The following CDK8 variants were observed in gnomAD, a reference collection of about 807,000 sequenced individuals.
CDK8 encodes cyclin dependent kinase 8, also known as cyclin-dependent kinase 8.
Under a neutral mutation model 71.5 loss-of-function variants are expected in CDK8, and 29 were observed. The ratio of observed to expected loss-of-function variants is 0.41; its 90% CI spans 0.30 to 0.55. The LOEUF is 0.55. Among genes scored for constraint, CDK8 ranks in the 20% least tolerant of loss-of-function variants. CDK8 has a pLI of 0.37. For synonymous variants in CDK8, 161 were observed against 192.1 expected (o/e 0.84, Z 1.34); for missense variants, 288 against 572.6 (o/e 0.50, Z 5.07).
chr13:26,273,240 A>G (rs1235171771), intron 1 of CDK8, among the ~76,000 whole-genome samples: 1 of 152,138 alleles, frequency 6.6e-6, no homozygotes, highest in Non-Finnish European at 1.5e-5. Context: ...TGGTCTCTCA[A>G]TATGTCTGTC....
chr13:26,369,494 C>A lies in CDK8; in HGVS notation c.457-13320C>A, dbSNP rs141541104. Among the ~76,000 whole-genome samples, 437 of 133,750 alleles carry A rather than the reference C, an allele frequency of 3.3e-3. 3 individuals are homozygous for A. The highest frequency in any genetic ancestry group is 0.011 in the African/African-American group (407 of 36,574). 87.7% of individuals were successfully genotyped at this position (133,750 alleles called of 152,430 possible). A position where few individuals can be genotyped will look rare whatever the true frequency, so the allele number is the denominator to read the frequency against. On this transcript the variant is annotated intron_variant, in intron 4 of 12. Transcript: ENST00000381527. ...AAAGTAAAAGTCCATCTGTAAAACTCTTATTGTGGTGCACTGAACTGAGGT... is the reference window on the plus strand; with the variant it reads ...AAAGTAAAAGTCCATCTGTAAAACTATTATTGTGGTGCACTGAACTGAGGT...
In CDK8 at chr13:26,312,451, G is replaced by A. The variant is rs900017831; in HGVS notation, c.129-25116G>A. On this transcript the variant is annotated intron_variant, in intron 1 of 12. Coordinates refer to ENST00000381527, the MANE Select transcript of CDK8 (RefSeq NM_001260.3). ...GCGGCTTCATTCCTGAAGTCAGCGA[G>A]ACCATGAACCCACCAGGAGGAACAA... Among the ~76,000 whole-genome samples, 29 of 152,114 alleles carry A rather than the reference G, an allele frequency of 1.9e-4. 1 individual carries two copies. Among genetic ancestry groups the A allele is most frequent in the Admixed American group, 1.8e-3 (28 of 15,280 alleles).
chr13:26,289,340 A>C (rs549350974), intron 1 of CDK8, among the ~76,000 whole-genome samples: 5 of 152,264 alleles, frequency 3.3e-5, no homozygotes, highest in Admixed American at 3.3e-4. Context: ...GGCATGAGCC[A>C]CTGCGCCCGG....
intron 1 of CDK8, among the ~76,000 whole-genome samples, chr13:26,314,639 A>G (rs1874428395): frequency 6.6e-6 from 1 of 152,222 alleles, no homozygotes; most frequent in African/African-American, 2.4e-5. Flanking sequence ...AAAGTTATCC[A>G]TGGAGTCACC....
chr13:26,263,444 A>G lies in CDK8; in HGVS notation c.128+8675A>G, dbSNP rs548517487. ...CCACCGCGCCCGGCCGGGAGTAGGT[A>G]TTACCTTTTTTTTTGAGCCAGAGTT... On this transcript the variant is annotated intron_variant, in intron 1 of 12. Coordinates refer to ENST00000381527, the MANE Select transcript of CDK8 (RefSeq NM_001260.3). Among the ~76,000 whole-genome samples, 18 of 120,360 alleles carry G rather than the reference A, an allele frequency of 1.5e-4. No homozygotes were observed. The South Asian group carries it at 5.1e-3, about 34-fold the overall frequency. The allele number at this position is 120,360 out of a possible 152,430, so 79.0% of individuals were successfully genotyped here. A position where few individuals can be genotyped will look rare whatever the true frequency, so the allele number is the denominator to read the frequency against.
At chr13:26,347,302 T>C (rs552922528) in intron 2 of CDK8, among the ~76,000 whole-genome samples, 10 of 152,238 alleles carry the variant, frequency 6.6e-5, no homozygotes, top group Non-Finnish European at 1.2e-4. Context: ...TAATCAACTT[T>C]ACTATGTAAT....
chr13:26,315,403 G>A (rs1390128050), intron 1 of CDK8, among the ~76,000 whole-genome samples: 2 of 152,196 alleles, frequency 1.3e-5, no homozygotes, highest in Non-Finnish European at 2.9e-5. Flanking sequence ...GCACTGACAA[G>A]AGCAGGGAGG....
chr13:26,341,246 C>T (rs1362382493), intron 2 of CDK8, among the ~76,000 whole-genome samples: 1 of 152,196 alleles, frequency 6.6e-6, no homozygotes, highest in African/African-American at 2.4e-5. Flanking sequence ...CCTGCCTCAG[C>T]CTCCTGAGTA....
chr13:26,345,555 G>T (rs977478153), intron 2 of CDK8, among the ~76,000 whole-genome samples: 1 of 151,948 alleles, frequency 6.6e-6, no homozygotes, highest in Non-Finnish European at 1.5e-5. Context: ...CAAATTTTTT[G>T]TATTTTTAGT....
In CDK8 at chr13:26,254,540, A is replaced by T; in HGVS notation, c.-102A>T. On this transcript the variant is annotated 5_prime_UTR_variant, in exon 1 of 13. Transcript: ENST00000381527. The surrounding 1 kb of genome is among the most constrained non-coding windows in gnomAD (Gnocchi z 6.7). ...CTGGTGCTGCGGCCGGCGGGCGTAG[A>T]GCGGGCGGGTTCCCGGGGGCTGCGG... The T allele has an allele frequency of 3.0e-6, 3 of 984,150 alleles. No individual in the cohort carries two copies. Among genetic ancestry groups the T allele is most frequent in the Non-Finnish European group, 1.5e-6 (1 of 676,300 alleles). 61.0% of individuals were successfully genotyped at this position (984,150 alleles called of 1,614,324 possible). A position where few individuals can be genotyped will look rare whatever the true frequency, so the allele number is the denominator to read the frequency against.
At chr13:26,393,897 C>G (rs2138064036) in intron 7 of CDK8, among the ~76,000 whole-genome samples, 1 of 152,250 alleles carries the variant, frequency 6.6e-6, no homozygotes, top group Admixed American at 6.5e-5. Flanking sequence ...AATACTGCCA[C>G]TATTTGGCAT....
chr13:26,363,780 G>GATA (rs1410657579), intron 4 of CDK8, among the ~76,000 whole-genome samples: 1 of 152,076 alleles, frequency 6.6e-6, no homozygotes, highest in Non-Finnish European at 1.5e-5. Context: ...CTTGGTGAAG[G>GATA]ATATGTTGGT....
Position 26,405,048 on chromosome 13 carries a change from G to C in CDK8, c.*967G>C. On this transcript the variant is annotated 3_prime_UTR_variant, in exon 13 of 13. Coordinates refer to ENST00000381527, the MANE Select transcript of CDK8 (RefSeq NM_001260.3). ...GAAAACTTGTTCGCACGTTGTTTAG[G>C]GTGCCCTTACTTCAGCAAAGGAGAA... 1 of 184,762 alleles carries C rather than the reference G, an allele frequency of 5.4e-6. No homozygotes were observed. Among genetic ancestry groups the C allele is most frequent in the Non-Finnish European group, 1.1e-5 (1 of 87,198 alleles). 11.4% of individuals were successfully genotyped at this position (184,762 alleles called of 1,614,324 possible). A position where few individuals can be genotyped will look rare whatever the true frequency, so the allele number is the denominator to read the frequency against.
intron 1 of CDK8, among the ~76,000 whole-genome samples, chr13:26,307,650 A>T (rs770966259): frequency 1.3e-5 from 2 of 152,156 alleles, no homozygotes; most frequent in African/African-American, 2.4e-5. Context: ...AGCAGTAGAA[A>T]ACTAATACAC....
intron 1 of CDK8, among the ~76,000 whole-genome samples, chr13:26,336,966 T>C (rs1441697704): frequency 1.3e-5 from 2 of 152,056 alleles, no homozygotes; most frequent in Non-Finnish European, 2.9e-5. Flanking sequence ...TTACTTATCT[T>C]TTTAAGCCGG....
rs140473573 is a variant in CDK8, at chr13:26,375,562, T to G, written c.457-7252T>G. The stretch of plus-strand genomic sequence containing the variant: ...TCTTTCCACACAGTAAATTCTGCTT[T>G]TAGCAGTTTGTCCTAAAAATATACC... On this transcript the variant is annotated intron_variant, in intron 4 of 12. Transcript: ENST00000381527. Among the ~76,000 whole-genome samples the G allele has an allele frequency of 4.0e-3, 616 of 152,374 alleles. 5 individuals are homozygous for G. The highest frequency in any genetic ancestry group is 0.014 in the African/African-American group (565 of 41,594).
chr13:26,267,766 G>A (rs17083557), intron 1 of CDK8, among the ~76,000 whole-genome samples: 6,215 of 152,222 alleles, frequency 0.041, 400 homozygotes, highest in African/African-American at 0.14. Flanking sequence ...TGTCCTTTGC[G>A]TCTGTCTTTG....
At chr13:26,311,557 T>C (rs1874284993) in intron 1 of CDK8, among the ~76,000 whole-genome samples, 1 of 152,292 alleles carries the variant, frequency 6.6e-6, no homozygotes, top group Non-Finnish European at 1.5e-5. Context: ...GATTCCAGAT[T>C]ATTTTCCTCT....
chr13:26,394,305 T>C (rs1314281456), intron 7 of CDK8, among the ~76,000 whole-genome samples: 2 of 152,250 alleles, frequency 1.3e-5, no homozygotes, highest in Non-Finnish European at 2.9e-5. Flanking sequence ...CTTTTAATTC[T>C]ACATTCCCTT....
Sources: gnomAD v4.1 joint callset for allele counts (sites outside exome capture counted in the v4.1 genomes callset) on GRCh38, gnomAD v4.1.1 for gene constraint, Gnocchi (gnomAD v3.1) non-coding constraint, MANE v1.5 for transcripts, NCBI Gene and HGNC (gene_info 2026-07-23, HGNC 2026-07-21) for gene names.